Variants in DEFB118 observed in about 807,000 individuals in gnomAD.
The protein encoded by DEFB118 is defensin beta 118, also known as defensin, beta 18.
DEFB118 carries 3 observed loss-of-function variants against 2.8 expected under a neutral mutation model. That is an observed-to-expected ratio of 1.09 (90% CI 0.50 to 2.82). DEFB118 has a LOEUF of 2.82. DEFB118 is among the 30% of genes most tolerant of loss of function. The pLI, the probability that DEFB118 is intolerant of heterozygous loss-of-function variation, is 0.04. For missense variants in DEFB118, 159 were observed against 144.6 expected (o/e 1.10, Z -0.51); for synonymous variants, 63 against 53.5 (o/e 1.18, Z -0.78).
intron 1 of DEFB118, among the ~76,000 whole-genome samples, chr20:31,371,228 G>C (rs769994443): frequency 6.6e-6 from 1 of 152,156 alleles, no homozygotes; most frequent in East Asian, 1.9e-4. Flanking sequence ...TGCACTTGCT[G>C]CTTCCTCTGC....
At chr20:31,370,839 C>A (rs1011247108) in intron 1 of DEFB118, among the ~76,000 whole-genome samples, 3 of 152,146 alleles carry the variant, frequency 2.0e-5, no homozygotes, top group African/African-American at 7.2e-5. Flanking sequence ...CAACCTCTGC[C>A]TCGGGGGTTC....
chr20:31,371,422 C>T (rs1017671488), intron 1 of DEFB118, among the ~76,000 whole-genome samples: 2 of 152,064 alleles, frequency 1.3e-5, no homozygotes, highest in African/African-American at 2.4e-5. Flanking sequence ...AGTATGTATC[C>T]CACATAAAGT....
In DEFB118 at chr20:31,368,630, A is replaced by G. The variant is rs1568724210; in HGVS notation, c.-21A>G. ...AGTATTCTGAACTCCTGGATCTACC[A>G]CCTCCTGCTTCCCAAGGACCATGAA... On this transcript the variant is annotated 5_prime_UTR_variant, in exon 1 of 2. Coordinates refer to ENST00000253381, the MANE Select transcript of DEFB118 (RefSeq NM_054112.3). The G allele has an allele frequency of 6.2e-7, 1 of 1,612,940 alleles. No individual in the cohort carries two copies. Among genetic ancestry groups the G allele is most frequent in the African/African-American group, 1.3e-5 (1 of 74,818 alleles).
At chr20:31,370,081 C>A (rs536071074) in intron 1 of DEFB118, among the ~76,000 whole-genome samples, 2 of 152,196 alleles carry the variant, frequency 1.3e-5, no homozygotes, top group African/African-American at 4.8e-5. Context: ...GCGTTCTGAA[C>A]GCCTGGGTCT....
In DEFB118 at chr20:31,373,353, T is replaced by C; in HGVS notation, c.*183T>C. The C allele has an allele frequency of 1.7e-6, 1 of 584,088 alleles. No homozygotes were observed. Among genetic ancestry groups the C allele is most frequent in the Non-Finnish European group, 3.0e-6 (1 of 333,936 alleles). 36.2% of individuals were successfully genotyped at this position (584,088 alleles called of 1,614,324 possible). A position where few individuals can be genotyped will look rare whatever the true frequency, so the allele number is the denominator to read the frequency against. On this transcript the variant is annotated 3_prime_UTR_variant, in exon 2 of 2. Transcript: ENST00000253381. The stretch of plus-strand genomic sequence containing the variant: ...TTTCCAATGATAAACTCTTCAGTGC[T>C]CTTCTTGAAATGTCACATTATTTCC...
chr20:31,372,956 C>A lies in DEFB118; in HGVS notation c.158C>A (p.Ala53Asp), dbSNP rs1425369055. The A allele has an allele frequency of 6.2e-7, 1 of 1,614,074 alleles. No individual in the cohort carries two copies. Among genetic ancestry groups the A allele is most frequent in the Non-Finnish European group, 8.5e-7 (1 of 1,180,040 alleles). Reference protein sequence around the residue: ...AVKDTCKNLRACCIPSNEDHR... With the variant: ...AVKDTCKNLRDCCIPSNEDHR... Reference sequence around the variant, plus strand: ...AAAGATACATGCAAAAATCTTCGAGCTTGCTGCATTCCATCCAATGAAGAC... The same window carrying A: ...AAAGATACATGCAAAAATCTTCGAGATTGCTGCATTCCATCCAATGAAGAC... Residue 53 changes from alanine to aspartate, a missense_variant, in exon 2 of 2, where the codon GCT (alanine) becomes GAT (aspartate). By Grantham distance (126) the Ala-to-Asp change is moderately radical. Coordinates refer to ENST00000253381, the MANE Select transcript of DEFB118 (RefSeq NM_054112.3).
rs758204201 is a variant in DEFB118 at position 31,373,045 on chromosome 20, GATATT to G, written c.248_252del (p.Asp83ValfsTer11). 1 of 1,614,162 alleles carries G rather than the reference GATATT, an allele frequency of 6.2e-7. No individual in the cohort carries two copies. The highest frequency in any genetic ancestry group is 8.5e-7 in the Non-Finnish European group (1 of 1,180,020). ...TGACTCAACACCAGGAATTATTGAT[GATATT>G]TTAACAGTAAGGTTCACGACAGACT... On this transcript the variant is annotated frameshift_variant, in exon 2 of 2. Coordinates refer to ENST00000253381, the MANE Select transcript of DEFB118 (RefSeq NM_054112.3). LOFTEE classifies it low-confidence loss of function (END_TRUNC).
At chr20:31,372,551 A>C (rs1263130564) in intron 1 of DEFB118, among the ~76,000 whole-genome samples, 4 of 152,178 alleles carry the variant, frequency 2.6e-5, no homozygotes, top group Non-Finnish European at 5.9e-5. Flanking sequence ...CCATCTAAAA[A>C]AAAAGATGTA....
At chr20:31,370,089 T>C (rs1231861097) in intron 1 of DEFB118, among the ~76,000 whole-genome samples, 1 of 152,072 alleles carries the variant, frequency 6.6e-6, no homozygotes, top group Non-Finnish European at 1.5e-5. Context: ...AACGCCTGGG[T>C]CTACCCTGGC....
At position 31,373,243 on chromosome 20, in the gene DEFB118, A is replaced by G; in HGVS notation, c.*73A>G. 7.2e-7 allele frequency: 1 copy of G among 1,383,080 alleles called. No individual in the cohort carries two copies. Among genetic ancestry groups the G allele is most frequent in the Admixed American group, 1.9e-5 (1 of 51,298 alleles). The allele number at this position is 1,383,080 out of a possible 1,614,324, so 85.7% of individuals were successfully genotyped here. ...GTCACATACAGATAAAGCACTGAAA[A>G]CACCACAGTGACCCTCCCACCCCCC... On this transcript the variant is annotated 3_prime_UTR_variant, in exon 2 of 2. Transcript: ENST00000253381.
chr20:31,369,201 T>G (rs535954374), intron 1 of DEFB118, among the ~76,000 whole-genome samples: 1 of 152,328 alleles, frequency 6.6e-6, no homozygotes, highest in East Asian at 1.9e-4. Context: ...AATCACTGCT[T>G]TCTTAAGTAT....
In DEFB118 at chr20:31,373,251, G is replaced by A; in HGVS notation, c.*81G>A. 7.8e-7 allele frequency: 1 copy of A among 1,290,088 alleles called. No individual in the cohort carries two copies. Among genetic ancestry groups the A allele is most frequent in the East Asian group, 2.4e-5 (1 of 42,336 alleles). 79.9% of individuals were successfully genotyped at this position (1,290,088 alleles called of 1,614,324 possible). ...CAGATAAAGCACTGAAAACACCACA[G>A]TGACCCTCCCACCCCCCACCAATAT... is the stretch of plus-strand genomic sequence containing the variant. On this transcript the variant is annotated 3_prime_UTR_variant, in exon 2 of 2. Coordinates refer to ENST00000253381, the MANE Select transcript of DEFB118 (RefSeq NM_054112.3).
At chr20:31,372,530 A>G (rs1309733102) in intron 1 of DEFB118, among the ~76,000 whole-genome samples, 1 of 152,150 alleles carries the variant, frequency 6.6e-6, no homozygotes, top group Non-Finnish European at 1.5e-5. Context: ...GCCTGGTGAC[A>G]GAGTGAGACT....
chr20:31,371,222 C>T (rs1986204322), intron 1 of DEFB118, among the ~76,000 whole-genome samples: 1 of 152,164 alleles, frequency 6.6e-6, no homozygotes, highest in African/African-American at 2.4e-5. Context: ...AGCCTTTGCA[C>T]TTGCTGCTTC....
intron 1 of DEFB118, among the ~76,000 whole-genome samples, chr20:31,371,581 C>T (rs1259209085): frequency 1.3e-5 from 2 of 152,182 alleles, no homozygotes; most frequent in Non-Finnish European, 2.9e-5. Context: ...AGTGTTTCTC[C>T]TGTCTCAGCC....
chr20:31,368,747 A>G (rs1294413785), intron 1 of DEFB118, 39 bp downstream of exon 1: 2 of 1,594,952 alleles, frequency 1.3e-6, no homozygotes, highest in Non-Finnish European at 1.7e-6. Flanking sequence ...ATAGAGGTAT[A>G]GTGGGTTCTG....
intron 1 of DEFB118, among the ~76,000 whole-genome samples, chr20:31,370,813 C>T (rs967339443): frequency 7.2e-5 from 11 of 152,096 alleles, no homozygotes; most frequent in Admixed American, 2.6e-4. Flanking sequence ...TGCAATGGCG[C>T]GATCTCAGCT....
At chr20:31,371,050 G>C (rs1181925088) in intron 1 of DEFB118, among the ~76,000 whole-genome samples, 1 of 152,120 alleles carries the variant, frequency 6.6e-6, no homozygotes, top group Non-Finnish European at 1.5e-5. Context: ...TCATCATCCT[G>C]TGATCAAAAG....
chr20:31,369,609 C>T (rs1422901810), intron 1 of DEFB118, among the ~76,000 whole-genome samples: 9 of 152,096 alleles, frequency 5.9e-5, no homozygotes, highest in Non-Finnish European at 1.2e-4. Context: ...AGGCTGGTCT[C>T]AAACTCTTGA....
Sources: gnomAD v4.1 joint callset for allele counts (sites outside exome capture counted in the v4.1 genomes callset) on GRCh38, gnomAD v4.1.1 for gene constraint, MANE v1.5 for transcripts, NCBI Gene and HGNC (gene_info 2026-07-23, HGNC 2026-07-21) for gene names.